Variants in GMDS observed in about 807,000 individuals in gnomAD.
GMDS encodes GDP-mannose 4,6-dehydratase.
A neutral mutation model predicts 49.9 loss-of-function variants in GMDS; 20 were observed. The ratio of observed to expected loss-of-function variants is 0.40; its 90% CI spans 0.28 to 0.58. The LOEUF is 0.58. Among genes scored for constraint, GMDS ranks in the 20% least tolerant of loss-of-function variants. The pLI is 0.42. For synonymous variants in GMDS, 177 were observed against 178.6 expected (o/e 0.99, Z 0.07); for missense variants, 362 against 481.4 (o/e 0.75, Z 2.32).
chr6:1,851,486 G>A (rs928770367), intron 7 of GMDS, among the ~76,000 whole-genome samples: 1 of 152,088 alleles, frequency 6.6e-6, no homozygotes, highest in Admixed American at 6.5e-5. Context: ...TAGGACCTTC[G>A]GGGCAGGGAT....
At chr6:2,232,925 T>C (rs904506178) in intron 1 of GMDS, among the ~76,000 whole-genome samples, 13 of 152,034 alleles carry the variant, frequency 8.6e-5, no homozygotes, top group African/African-American at 2.9e-4. Flanking sequence ...AAAAAACCTT[T>C]CCCAGATCTA....
At chr6:2,239,211 C>A (rs1363343328) in intron 1 of GMDS, among the ~76,000 whole-genome samples, 1 of 152,036 alleles carries the variant, frequency 6.6e-6, no homozygotes, top group African/African-American at 2.4e-5. Context: ...CGCCTGTAAT[C>A]CCAGCTACTC....
At chr6:1,889,049 A>G (rs1195579514) in intron 7 of GMDS, among the ~76,000 whole-genome samples, 1 of 152,234 alleles carries the variant, frequency 6.6e-6, no homozygotes, top group African/African-American at 2.4e-5. Flanking sequence ...GCACCTGGTC[A>G]GTATTTAAAA....
intron 4 of GMDS, among the ~76,000 whole-genome samples, chr6:2,031,369 T>G (rs1487684992): frequency 1.3e-5 from 2 of 152,038 alleles, no homozygotes; most frequent in African/African-American, 4.8e-5. Flanking sequence ...ATACTAAAGA[T>G]GTAGCAGTGA....
intron 7 of GMDS, among the ~76,000 whole-genome samples, chr6:1,756,833 G>T (rs555940383): frequency 6.6e-6 from 1 of 152,180 alleles, no homozygotes; most frequent in South Asian, 2.1e-4. Context: ...TTCCAAGGTG[G>T]CAAAACAAAA....
chr6:1,768,714 C>T (rs969475042), intron 7 of GMDS, among the ~76,000 whole-genome samples: 2 of 152,180 alleles, frequency 1.3e-5, no homozygotes, highest in Admixed American at 1.3e-4. Flanking sequence ...AAGTATAATG[C>T]AGATACTCCA....
At chr6:1,859,559 T>G (rs6940806) in intron 7 of GMDS, among the ~76,000 whole-genome samples, 3 of 151,960 alleles carry the variant, frequency 2.0e-5, no homozygotes, top group African/African-American at 7.3e-5. Context: ...TTTTTGGTTT[T>G]GGTTTTTTGA....
intron 1 of GMDS, among the ~76,000 whole-genome samples, chr6:2,139,318 A>G (rs530838905): frequency 3.3e-4 from 50 of 152,364 alleles, no homozygotes; most frequent in African/African-American, 1.2e-3. Flanking sequence ...GAGAACACAG[A>G]AAAAGTATAT....
intron 4 of GMDS, among the ~76,000 whole-genome samples, chr6:1,979,792 G>A (rs1306147262): frequency 6.6e-6 from 1 of 152,180 alleles, no homozygotes; most frequent in Non-Finnish European, 1.5e-5. Context: ...AGGGCAGCCA[G>A]AGAGAAAGGC....
intron 7 of GMDS, among the ~76,000 whole-genome samples, chr6:1,911,795 C>T (rs1761071813): frequency 6.6e-6 from 1 of 152,082 alleles, no homozygotes; most frequent in African/African-American, 2.4e-5. Flanking sequence ...TTTTTTCCTT[C>T]CTCTTAAAAT....
intron 4 of GMDS, among the ~76,000 whole-genome samples, chr6:2,086,118 C>A (rs1249011747): frequency 6.6e-6 from 1 of 152,212 alleles, no homozygotes; most frequent in Non-Finnish European, 1.5e-5. Context: ...TGAAAACACA[C>A]TGTCTCAAAA....
intron 6 of GMDS, among the ~76,000 whole-genome samples, chr6:1,933,979 C>T (rs1762410280): frequency 6.6e-6 from 1 of 151,990 alleles, no homozygotes; most frequent in Non-Finnish European, 1.5e-5. Context: ...AGATTTATTC[C>T]TATATATTTT....
Position 1,726,409 on chromosome 6 carries a change from T to A in GMDS, c.987+7A>T, listed in dbSNP as rs1390592779. The A allele has an allele frequency of 1.2e-6, 2 of 1,600,492 alleles. No individual in the cohort carries two copies. Among genetic ancestry groups the A allele is most frequent in the African/African-American group, 1.3e-5 (1 of 74,596 alleles). On this transcript the variant is annotated splice_region_variant and intron_variant, in intron 9 of 10. Coordinates refer to ENST00000380815, the MANE Select transcript of GMDS (RefSeq NM_001500.4). ...GGCCACGCACTGGGTGGCCAGAGAGTCCTTACCACTTCAGTTGGCCGGTAG... is the reference window on the plus strand; with the variant it reads ...GGCCACGCACTGGGTGGCCAGAGAGACCTTACCACTTCAGTTGGCCGGTAG...
intron 4 of GMDS, among the ~76,000 whole-genome samples, chr6:2,093,464 A>C (rs1294567042): frequency 6.6e-6 from 1 of 152,192 alleles, no homozygotes; most frequent in Non-Finnish European, 1.5e-5. Flanking sequence ...TCCCCTAAAA[A>C]ACTAGTAATA....
At chr6:2,181,328 T>C (rs1443952290) in intron 1 of GMDS, among the ~76,000 whole-genome samples, 5 of 152,312 alleles carry the variant, frequency 3.3e-5, no homozygotes, top group Middle Eastern at 3.4e-3. Flanking sequence ...GCTCGACAGA[T>C]GGCATCTGTA....
At chr6:2,116,029 A>G (rs932153430) in intron 3 of GMDS, 149 bp from the exon 4 acceptor site, 4 of 576,664 alleles carry the variant, frequency 6.9e-6, no homozygotes, top group African/African-American at 5.6e-5. Context: ...GTAGCAGAAT[A>G]TAACTGTCAC....
chr6:2,132,675 G>A (rs1775799825), intron 1 of GMDS, among the ~76,000 whole-genome samples: 1 of 152,192 alleles, frequency 6.6e-6, no homozygotes, highest in African/African-American at 2.4e-5. Context: ...GGATGGCACA[G>A]TGCCCTGGAA....
chr6:2,206,803 G>A (rs1195935919), intron 1 of GMDS, among the ~76,000 whole-genome samples: 3 of 152,170 alleles, frequency 2.0e-5, no homozygotes, highest in Non-Finnish European at 2.9e-5. Context: ...GGGAACCACT[G>A]CTTTAAAGTA....
chr6:1,948,235 A>G (rs1420823509), intron 6 of GMDS, among the ~76,000 whole-genome samples: 1 of 152,218 alleles, frequency 6.6e-6, no homozygotes, highest in Non-Finnish European at 1.5e-5. Context: ...ACCACTTAAA[A>G]AGGGGAACAA....
Sources: gnomAD v4.1 joint callset for allele counts (sites outside exome capture counted in the v4.1 genomes callset) on GRCh38, gnomAD v4.1.1 for gene constraint, MANE v1.5 for transcripts, NCBI Gene and HGNC (gene_info 2026-07-23, HGNC 2026-07-21) for gene names.